Variants in PATJ observed in about 807,000 individuals in gnomAD.
PATJ encodes inaD-like protein.
Under a neutral mutation model 224.9 loss-of-function variants are expected in PATJ, and 190 were observed. That is an observed-to-expected ratio of 0.84 (90% confidence interval 0.75 to 0.95). The LOEUF is 0.95. Among genes scored for constraint, PATJ ranks in the 40% least tolerant of loss-of-function variants. The pLI, the probability that PATJ is intolerant of heterozygous loss-of-function variation, is 0.00. For missense variants in PATJ, 2,121 were observed against 2,270.3 expected (o/e 0.93, Z 1.34); for synonymous variants, 769 against 820.3 (o/e 0.94, Z 1.07).
chr1:62,031,846 C>T (rs932907000), intron 29 of PATJ, among the ~76,000 whole-genome samples: 5 of 152,116 alleles, frequency 3.3e-5, no homozygotes, highest in Non-Finnish European at 5.9e-5. Flanking sequence ...ACTACCTAGA[C>T]TTGTTATGAA....
At chr1:62,008,335 A>G (rs1174769094) in intron 28 of PATJ, among the ~76,000 whole-genome samples, 1 of 152,202 alleles carries the variant, frequency 6.6e-6, no homozygotes, top group Non-Finnish European at 1.5e-5. Flanking sequence ...CTAGATCTCT[A>G]CTACATTCCT....
At chr1:61,884,450 GGTTTTTTT>G (rs1557818807) in intron 22 of PATJ, 42 bp downstream of exon 22, 2 of 689,090 alleles carry the variant, frequency 2.9e-6, no homozygotes, top group Admixed American at 4.8e-5. Flanking sequence ...ATAAAATAGT[GGTTTTTTT>G]TTTTTTTTTT....
chr1:61,849,038 T>TA (rs1662407303), intron 17 of PATJ, among the ~76,000 whole-genome samples: 2 of 152,214 alleles, frequency 1.3e-5, no homozygotes, highest in African/African-American at 4.8e-5. Flanking sequence ...CTTACTGAAA[T>TA]AAAAATACAT....
At chr1:61,986,622 T>C (rs922971840) in intron 27 of PATJ, among the ~76,000 whole-genome samples, 5 of 152,082 alleles carry the variant, frequency 3.3e-5, no homozygotes, top group Non-Finnish European at 7.3e-5. Context: ...GGTCTCGCTA[T>C]GTTGCCCAGG....
At chr1:61,778,249 G>T (rs1326428824) in intron 7 of PATJ, among the ~76,000 whole-genome samples, 3 of 151,994 alleles carry the variant, frequency 2.0e-5, no homozygotes, top group Non-Finnish European at 4.4e-5. Flanking sequence ...CTCCTGGCCT[G>T]AAGCGATCTT....
At chr1:61,998,004 T>TATATATATATATATATATATATA (rs1342142560) in intron 28 of PATJ, among the ~76,000 whole-genome samples, 9 of 104,644 alleles carry the variant, frequency 8.6e-5, no homozygotes, top group African/African-American at 4.3e-4. Flanking sequence ...ATATAATATA[T>TATATATATATATATATATATATA]TATATATATT....
chr1:61,871,553 ATATATTTTTTTT>A (rs1666595538), intron 20 of PATJ, among the ~76,000 whole-genome samples: 1 of 25,544 alleles, frequency 3.9e-5, no homozygotes, highest in Non-Finnish European at 7.6e-5. Flanking sequence ...ATATATATAT[ATATATTTTTTTT>A]TTTTTTTTTT....
intron 28 of PATJ, among the ~76,000 whole-genome samples, chr1:61,990,608 A>G (rs184441606): frequency 2.6e-5 from 4 of 152,360 alleles, no homozygotes; most frequent in Admixed American, 1.3e-4. Context: ...ATGGAAACAT[A>G]TTAAAACCTT....
rs1456455522 is a variant in PATJ at position 61,861,560 on chromosome 1, GA to G, written c.2334del (p.Glu779LysfsTer25). On this transcript the variant is annotated frameshift_variant, in exon 19 of 44. Transcript: ENST00000642238. LOFTEE classifies it high-confidence loss of function. ...TGGTTTATATTTTCAGGAAGATAAT[GA>G]AGAAGAAAGTTGTTATATTTTACAT... ...GICKPLVEDNEEESCYILHSS... is the reference protein window; with the variant it reads ...GICKPLVEDNXEESCYILHSS... The G allele has an allele frequency of 7.4e-7, 1 of 1,350,906 alleles. No individual in the cohort carries two copies. Among genetic ancestry groups the G allele is most frequent in the Non-Finnish European group, 1.0e-6 (1 of 984,724 alleles). The allele number at this position is 1,350,906 out of a possible 1,614,324, so 83.7% of individuals were successfully genotyped here.
intron 31 of PATJ, among the ~76,000 whole-genome samples, chr1:62,062,943 T>C (rs1655808370): frequency 6.6e-6 from 1 of 152,206 alleles, no homozygotes; most frequent in South Asian, 2.1e-4. Context: ...GAATATTTTC[T>C]CCTATTCTGT....
intron 27 of PATJ, among the ~76,000 whole-genome samples, chr1:61,975,925 A>G (rs1326984862): frequency 6.6e-6 from 1 of 152,048 alleles, no homozygotes; most frequent in Non-Finnish European, 1.5e-5. Context: ...TTGGACTTCT[A>G]AACAGTTCAA....
intron 1 of PATJ, among the ~76,000 whole-genome samples, chr1:61,743,421 GC>G (rs1302013754): frequency 8.5e-5 from 13 of 152,310 alleles, no homozygotes; most frequent in African/African-American, 2.2e-4. Context: ...TTGTTTACTG[GC>G]TTGCCTCTGC....
chr1:62,113,678 A>G (rs2148889346), intron 34 of PATJ, among the ~76,000 whole-genome samples: 1 of 152,306 alleles, frequency 6.6e-6, no homozygotes, highest in Admixed American at 6.5e-5. Flanking sequence ...GTCATATCCA[A>G]TAAGCAAACT....
intron 14 of PATJ, among the ~76,000 whole-genome samples, chr1:61,818,981 C>A (rs1414547203): frequency 6.6e-6 from 1 of 152,176 alleles, no homozygotes; most frequent in African/African-American, 2.4e-5. Flanking sequence ...ACAGTGGGAT[C>A]TTTGTTTTAA....
At chr1:61,916,807 G>C (rs6672007) in intron 26 of PATJ, among the ~76,000 whole-genome samples, 18 of 152,082 alleles carry the variant, frequency 1.2e-4, no homozygotes, top group African/African-American at 4.1e-4. Context: ...GATAGTTTTG[G>C]GGGTAGGGAA....
chr1:62,039,753 C>G (rs1388120907), intron 30 of PATJ, among the ~76,000 whole-genome samples: 2 of 152,098 alleles, frequency 1.3e-5, no homozygotes, highest in Non-Finnish European at 2.9e-5. Context: ...GCTTTTGGAG[C>G]AGAAACCTGG....
At chr1:61,898,174 C>G (rs1670638579) in intron 22 of PATJ, among the ~76,000 whole-genome samples, 1 of 152,116 alleles carries the variant, frequency 6.6e-6, no homozygotes, top group South Asian at 2.1e-4. Flanking sequence ...TATGCTTAAG[C>G]CTTCTCTGAG....
intron 27 of PATJ, among the ~76,000 whole-genome samples, chr1:61,930,715 T>G (rs2149301414): frequency 6.6e-6 from 1 of 152,266 alleles, no homozygotes; most frequent in South Asian, 2.1e-4. Context: ...TAATTTTTTT[T>G]TCTTTTTTTG....
intron 24 of PATJ, among the ~76,000 whole-genome samples, chr1:61,902,952 A>G (rs1671394116): frequency 6.6e-6 from 1 of 152,180 alleles, no homozygotes; most frequent in Non-Finnish European, 1.5e-5. Flanking sequence ...GCTCCGAGGT[A>G]GGAGCTTGCC....
Sources: allele counts gnomAD v4.1 joint callset (sites outside exome capture counted in the v4.1 genomes callset), GRCh38; gene constraint gnomAD v4.1.1; transcripts MANE v1.5; gene names NCBI Gene and HGNC (gene_info 2026-07-23, HGNC 2026-07-21).